EIF5B: variants seen among roughly 807,000 people sequenced by gnomAD.
The protein encoded by EIF5B is eukaryotic translation initiation factor 5B, also known as eIF-5B.
In EIF5B, 47 loss-of-function variants were observed where a neutral mutation model predicts 147.5. The observed-to-expected ratio is 0.32, with a 90% confidence interval of 0.25 to 0.41. The LOEUF (loss-of-function observed/expected upper bound fraction) is 0.41. EIF5B is among the 10% of genes least tolerant of loss of function. EIF5B has a pLI of 1.00. For synonymous variants in EIF5B, 455 were observed against 456.2 expected, an observed-to-expected ratio of 1.00 and a Z score of 0.03; for missense variants, 1,064 against 1,413.2, an observed-to-expected ratio of 0.75 and a Z score of 3.96.
intron 14 of EIF5B, among the ~76,000 whole-genome samples, chr2:99,383,130 A>G (rs1274259168): frequency 6.6e-6 from 1 of 152,104 alleles, no homozygotes; most frequent in Non-Finnish European, 1.5e-5. Context: ...CCTTGCATCA[A>G]GCAAGAGTAT....
intron 23 of EIF5B, 135 bp downstream of exon 23, chr2:99,399,044 C>T (rs1037492749): frequency 1.9e-5 from 20 of 1,076,770 alleles, no homozygotes; most frequent in Non-Finnish European, 2.4e-5. Flanking sequence ...TAGGGCTTGA[C>T]CTCTAGCTGG....
chr2:99,346,076 GGA>G (rs2094272773), intron 1 of EIF5B, among the ~76,000 whole-genome samples: 1 of 152,210 alleles, frequency 6.6e-6, no homozygotes, highest in Admixed American at 6.5e-5. Context: ...GGGAGAAAAT[GGA>G]GTATGAGAGT....
At chr2:99,338,475 A>T (rs1574913904) in intron 1 of EIF5B, 3 of 498,300 alleles carry the variant, frequency 6.0e-6, no homozygotes, top group East Asian at 7.1e-5. Flanking sequence ...AAGGTAAATT[A>T]AAAAAACTAG....
intron 10 of EIF5B, among the ~76,000 whole-genome samples, chr2:99,378,450 G>A (rs75103258): frequency 6.6e-6 from 1 of 152,264 alleles, no homozygotes; most frequent in East Asian, 1.9e-4. Flanking sequence ...TTCATAAAGT[G>A]GTAGAGCCTT....
chr2:99,394,841 AAT>A lies in EIF5B; in HGVS notation c.3216_3217del (p.Tyr1072Ter). ...TATCATTTATTTGATGCCTTTACAA[AAT>A]ATAGACAAGACTACAAGAAACAGAA... On this transcript the variant is annotated frameshift_variant, in exon 21 of 24. Coordinates refer to ENST00000289371, the MANE Select transcript of EIF5B (RefSeq NM_015904.4). LOFTEE classifies it high-confidence loss of function. 6.2e-7 allele frequency: 1 copy of A among 1,605,738 alleles called. No homozygotes were observed.
rs145601206 is a variant in EIF5B, at chr2:99,395,402, T to C, written c.3254+519T>C. The stretch of plus-strand genomic sequence containing the variant: ...ATGCTGCAGTACAGTGGCATGATCA[T>C]GGGTCACCCCAACCTCTGCCTACTG... On this transcript the variant is annotated intron_variant, in intron 21 of 23. Transcript: ENST00000289371. Among the ~76,000 whole-genome samples, 13 of 152,314 alleles carry C rather than the reference T, an allele frequency of 8.5e-5. No individual in the cohort carries two copies. In the East Asian group the frequency reaches 1.7e-3, roughly 20 times the overall value.
chr2:99,364,477 A>G lies in EIF5B; in HGVS notation c.1288+56A>G, dbSNP rs572250025. The G allele has an allele frequency of 6.4e-5, 94 of 1,463,566 alleles. 1 individual carries two copies. In the East Asian group the frequency reaches 1.9e-3, roughly 29 times the overall value. 90.7% of individuals were successfully genotyped at this position (1,463,566 alleles called of 1,614,324 possible). ...CAGAGAGCTCTGCACATGCAGTTAT[A>G]TCCCTTAATGTTCAGAAGGAGAATG... On this transcript the variant is annotated intron_variant, in intron 6 of 23. Coordinates refer to ENST00000289371, the MANE Select transcript of EIF5B (RefSeq NM_015904.4).
Position 99,379,435 on chromosome 2 carries a change from A to G in EIF5B, c.2061+7A>G, listed in dbSNP as rs762444432. 2 of 1,589,598 alleles carry G rather than the reference A, an allele frequency of 1.3e-6. No homozygotes were observed. Among genetic ancestry groups the G allele is most frequent in the Non-Finnish European group, 1.7e-6 (2 of 1,164,524 alleles). ...GACTAAGATGATTAAAAATGTAAGT[A>G]CATTGTATTTCATGTATTTTAATCT... is the stretch of plus-strand genomic sequence containing the variant. On this transcript the variant is annotated splice_region_variant and intron_variant, in intron 12 of 23. Transcript: ENST00000289371.
chr2:99,379,775 TTTC>T (rs1242266927), intron 12 of EIF5B, among the ~76,000 whole-genome samples: 1 of 152,242 alleles, frequency 6.6e-6, no homozygotes, highest in African/African-American at 2.4e-5. Context: ...ATCTAATCAA[TTTC>T]TTTTCTTTTT....
At chr2:99,352,460 G>T (rs1673987014) in intron 1 of EIF5B, among the ~76,000 whole-genome samples, 1 of 151,326 alleles carries the variant, frequency 6.6e-6, no homozygotes, top group African/African-American at 2.4e-5. Context: ...TTCCCAAAGT[G>T]CTGGGATTAC....
chr2:99,368,572 G>C lies in EIF5B; in HGVS notation c.1368G>C (p.Gln456His), dbSNP rs1367057948. The change falls in exon 7 of 24, where the codon CAG becomes CAC. Residue 456 changes from glutamine to histidine, a missense_variant. Gln to His is a conservative substitution (Grantham distance 24). Around this residue, in one of 4 missense-constraint regions of EIF5B, gnomAD observed 31 missense variants for 60.1 expected, o/e 0.52. Coordinates refer to ENST00000289371, the MANE Select transcript of EIF5B (RefSeq NM_015904.4). ...YEDKKRKKIP[Q>H]QLESKEVSES... ...ATAAAAAGAGGAAAAAAATACCACAGCAGCTAGAAAGTAAAGAAGGTTTGT... is the reference window on the plus strand; with the variant it reads ...ATAAAAAGAGGAAAAAAATACCACACCAGCTAGAAAGTAAAGAAGGTTTGT... 1 of 1,612,934 alleles carries C rather than the reference G, an allele frequency of 6.2e-7. No individual in the cohort carries two copies. The highest frequency in any genetic ancestry group is 1.3e-5 in the African/African-American group (1 of 74,824).
chr2:99,364,228 A>G (rs1674280074), intron 5 of EIF5B, 43 bp from the exon 6 acceptor site: 2 of 1,528,354 alleles, frequency 1.3e-6, no homozygotes, highest in Admixed American at 2.2e-5. Flanking sequence ...TTTATAGTTC[A>G]TTAAATGAAT....
chr2:99,353,265 G>A (rs376745307), intron 1 of EIF5B, among the ~76,000 whole-genome samples: 4 of 151,872 alleles, frequency 2.6e-5, no homozygotes, highest in Admixed American at 1.3e-4. Context: ...CGCCAGCCTC[G>A]GCCTCCCAAA....
At chr2:99,364,471 A>C in intron 6 of EIF5B, 50 bp downstream of exon 6, 2 of 1,479,118 alleles carry the variant, frequency 1.4e-6, no homozygotes, top group Non-Finnish European at 1.8e-6. Flanking sequence ...CTGCACATGC[A>C]GTTATATCCC....
At chr2:99,379,492 A>G in intron 12 of EIF5B, 64 bp downstream of exon 12, 3 of 1,278,850 alleles carry the variant, frequency 2.3e-6, no homozygotes, top group Non-Finnish European at 3.3e-6. Context: ...ACTATTTCAA[A>G]CATAGAAAAA....
At position 99,362,857 on chromosome 2, in the gene EIF5B, C is replaced by T. The variant is rs554877864; in HGVS notation, c.920-788C>T. ...CACTGCAACCTCCTCTTTACAGGTT[C>T]GAGTGATTCTCCTGTCTCAGCCTCC... is the stretch of plus-strand genomic sequence containing the variant. On this transcript the variant is annotated intron_variant, in intron 4 of 23. Coordinates refer to ENST00000289371, the MANE Select transcript of EIF5B (RefSeq NM_015904.4). Among the ~76,000 whole-genome samples, 13 of 151,852 alleles carry T rather than the reference C, an allele frequency of 8.6e-5. 1 individual carries two copies. The South Asian group carries it at 1.2e-3, about 15-fold the overall frequency.
chr2:99,371,488 C>CAA (rs201222383), intron 8 of EIF5B, among the ~76,000 whole-genome samples, 168 bp from the exon 9 acceptor site: 2 of 112,010 alleles, frequency 1.8e-5, no homozygotes, highest in Non-Finnish European at 1.9e-5. Context: ...GACTCCGTCT[C>CAA]AAAAAAAAAA....
rs1422598443 is a variant in EIF5B, at chr2:99,374,024, C to T, written c.1552+2294C>T. ...TTGCTCTCGGCCAGGCATGGCGGCT[C>T]ACACCTGCAATCCCAGCACTCTGGG... On this transcript the variant is annotated intron_variant, in intron 9 of 23. Transcript: ENST00000289371. Among the ~76,000 whole-genome samples, 3 of 152,182 alleles carry T rather than the reference C, an allele frequency of 2.0e-5. No individual in the cohort carries two copies. In the East Asian group the frequency reaches 5.8e-4, roughly 29 times the overall value.
At chr2:99,375,717 T>C (rs1674550764) in intron 9 of EIF5B, among the ~76,000 whole-genome samples, 1 of 152,178 alleles carries the variant, frequency 6.6e-6, no homozygotes, top group Admixed American at 6.5e-5. Context: ...TACTGTTAAG[T>C]GACAGATTTC....
Sources: gnomAD v4.1 joint callset for allele counts (sites outside exome capture counted in the v4.1 genomes callset) on GRCh38, gnomAD v4.1.1 for gene constraint, gnomAD v4.1.1 regional missense constraint, MANE v1.5 for transcripts, NCBI Gene and HGNC (gene_info 2026-07-23, HGNC 2026-07-21) for gene names.